IL1RAPL2: variants seen among roughly 807,000 people sequenced by gnomAD.
IL1RAPL2 encodes interleukin 1 receptor accessory protein like 2.
In IL1RAPL2, 3 loss-of-function variants were observed where a neutral mutation model predicts 44.1. The observed-to-expected ratio is 0.07, with a 90% confidence interval of 0.03 to 0.18. The LOEUF is 0.18. Among genes scored for constraint, IL1RAPL2 ranks in the 10% least tolerant of loss-of-function variants. The pLI is 1.00. For missense variants in IL1RAPL2, 391 were observed against 496.4 expected (o/e 0.79, Z 2.02); for synonymous variants, 181 against 178.8 (o/e 1.01, Z -0.10).
At chrX:105,359,942 C>T (rs1261423806) in intron 5 of IL1RAPL2, among the ~76,000 whole-genome samples, 2 of 110,601 alleles carry the variant, frequency 1.8e-5, no homozygotes, top group African/African-American at 3.3e-5. Context: ...AAATTGTCCA[C>T]GATCACATAG....
At chrX:104,735,556 T>G in intron 2 of IL1RAPL2, among the ~76,000 whole-genome samples, 1 of 111,536 alleles carries the variant, frequency 9.0e-6, no homozygotes, top group South Asian at 3.8e-4. Context: ...TAAATATTAG[T>G]GTTGTCTACT....
intron 6 of IL1RAPL2, among the ~76,000 whole-genome samples, chrX:105,539,619 G>A (rs2036704843): frequency 9.0e-6 from 1 of 111,699 alleles, no homozygotes; most frequent in Non-Finnish European, 1.9e-5. Context: ...TCCTGGCAAA[G>A]ATTTTATGAC....
At chrX:104,635,852 C>G (rs1929789930) in intron 1 of IL1RAPL2, among the ~76,000 whole-genome samples, 1 of 112,286 alleles carries the variant, frequency 8.9e-6, no homozygotes, top group Admixed American at 9.4e-5. Context: ...TCGTCAAAGT[C>G]ATTCTCCGTC....
At chrX:105,118,390 C>T (rs1464105731) in intron 2 of IL1RAPL2, among the ~76,000 whole-genome samples, 1 of 112,316 alleles carries the variant, frequency 8.9e-6, no homozygotes, top group African/African-American at 3.2e-5. Flanking sequence ...AGCCACTCTT[C>T]TGTATTCTTG....
intron 3 of IL1RAPL2, among the ~76,000 whole-genome samples, chrX:105,215,780 A>G (rs1603013173): frequency 9.0e-6 from 1 of 111,728 alleles, no homozygotes; most frequent in East Asian, 2.8e-4. Context: ...AGTCAGCTTT[A>G]TCCCTGGGAT....
chrX:105,694,969 C>G lies in IL1RAPL2; in HGVS notation c.773-22398C>G, dbSNP rs754488647. 2.9e-4 allele frequency among the ~76,000 whole-genome samples: 32 copies of G among 111,101 alleles called. 1 individual carries two copies. In the South Asian group the frequency reaches 8.5e-3, roughly 29 times the overall value. ...AAATGAGACTAGTTCCTCTTTATCT[C>G]CTTGTGAATCATTAGTGAGCTGAGG... On this transcript the variant is annotated intron_variant, in intron 6 of 10. Transcript: ENST00000372582.
At chrX:105,036,279 A>C (rs2031627414) in intron 2 of IL1RAPL2, among the ~76,000 whole-genome samples, 1 of 112,046 alleles carries the variant, frequency 8.9e-6, no homozygotes, top group Non-Finnish European at 1.9e-5. Flanking sequence ...TCCTGTCATT[A>C]AGATTTTAGA....
Position 105,137,894 on chromosome X carries a change from C to T in IL1RAPL2, c.83-57581C>T, listed in dbSNP as rs943957200. Reference sequence around the variant, plus strand: ...CAGCCTGAGCAACATAGTGGGACCTCGTCTGTACAAACACAATAAAAAATA... The same window carrying T: ...CAGCCTGAGCAACATAGTGGGACCTTGTCTGTACAAACACAATAAAAAATA... On this transcript the variant is annotated intron_variant, in intron 2 of 10. Coordinates refer to ENST00000372582, the MANE Select transcript of IL1RAPL2 (RefSeq NM_017416.2). Among the ~76,000 whole-genome samples the T allele has an allele frequency of 6.3e-5, 7 of 110,741 alleles. No homozygotes were observed. The Admixed American group carries it at 6.7e-4, about 11-fold the overall frequency.
intron 2 of IL1RAPL2, among the ~76,000 whole-genome samples, chrX:105,165,532 G>A (rs908832291): frequency 1.8e-5 from 2 of 111,768 alleles, no homozygotes; most frequent in South Asian, 3.7e-4. Context: ...TTTGTTTCAC[G>A]CTACTACCAG....
chrX:104,605,089 G>A (rs1274841887), intron 1 of IL1RAPL2, among the ~76,000 whole-genome samples: 1 of 111,937 alleles, frequency 8.9e-6, no homozygotes, highest in African/African-American at 3.2e-5. Context: ...CTAAGCAAAT[G>A]TAAAAGAACA....
chrX:105,554,519 T>G (rs1349586523), intron 6 of IL1RAPL2, among the ~76,000 whole-genome samples: 1 of 111,766 alleles, frequency 8.9e-6, no homozygotes, highest in Non-Finnish European at 1.9e-5. Context: ...AATTTTTCAG[T>G]GTTCCCACCC....
chrX:105,371,430 C>T (rs1355723014), intron 5 of IL1RAPL2, among the ~76,000 whole-genome samples: 1 of 111,052 alleles, frequency 9.0e-6, no homozygotes, highest in African/African-American at 3.3e-5. Flanking sequence ...GGAATGGGTC[C>T]AGTTTCAATC....
chrX:105,060,353 G>C (rs1219517311), intron 2 of IL1RAPL2, among the ~76,000 whole-genome samples: 1 of 111,439 alleles, frequency 9.0e-6, no homozygotes, highest in East Asian at 2.8e-4. Context: ...AGCATCAATT[G>C]AAATGCTTGT....
intron 7 of IL1RAPL2, among the ~76,000 whole-genome samples, chrX:105,729,329 A>G (rs1463533982): frequency 9.0e-6 from 1 of 111,707 alleles, no homozygotes; most frequent in East Asian, 2.8e-4. Context: ...AATGGATGAT[A>G]ATTTCTATTG....
intron 6 of IL1RAPL2, among the ~76,000 whole-genome samples, chrX:105,706,094 G>A (rs2038163930): frequency 9.0e-6 from 1 of 110,660 alleles, no homozygotes; most frequent in Non-Finnish European, 1.9e-5. Context: ...TAGATCCAGA[G>A]GAGAGGAAGA....
chrX:105,750,302 G>A (rs1278181514), intron 9 of IL1RAPL2, among the ~76,000 whole-genome samples: 1 of 89,707 alleles, frequency 1.1e-5, no homozygotes, highest in East Asian at 3.5e-4. Flanking sequence ...TTGAGACAGA[G>A]TCTCACTGTC....
At chrX:105,704,942 T>C (rs1415881825) in intron 6 of IL1RAPL2, among the ~76,000 whole-genome samples, 1 of 111,851 alleles carries the variant, frequency 8.9e-6, no homozygotes, top group Non-Finnish European at 1.9e-5. Flanking sequence ...GTGCAAATTC[T>C]GTAAGAACAT....
intron 2 of IL1RAPL2, among the ~76,000 whole-genome samples, chrX:104,796,147 TTTTTG>T (rs1231128530): frequency 8.9e-6 from 1 of 112,404 alleles, no homozygotes; most frequent in Non-Finnish European, 1.9e-5. Context: ...TTGTTTCACT[TTTTTG>T]TTTTATTTTC....
chrX:105,751,636 T>C (rs1420718983), intron 9 of IL1RAPL2, among the ~76,000 whole-genome samples: 1 of 111,618 alleles, frequency 9.0e-6, no homozygotes. Context: ...TGGGGGGAAA[T>C]GCAATATGGG....
Sources: gnomAD v4.1 joint callset for allele counts (sites outside exome capture counted in the v4.1 genomes callset) on GRCh38, gnomAD v4.1.1 for gene constraint, MANE v1.5 for transcripts, NCBI Gene and HGNC (gene_info 2026-07-23, HGNC 2026-07-21) for gene names.